RERG: variants seen among roughly 807,000 people sequenced by gnomAD.
RERG encodes RAS like estrogen regulated growth inhibitor, also known as ras-related and estrogen-regulated growth inhibitor.
In RERG, 25 loss-of-function variants were observed where a neutral mutation model predicts 23.2. The ratio of observed to expected loss-of-function variants is 1.08; its 90% confidence interval spans 0.79 to 1.50. The LOEUF (loss-of-function observed/expected upper bound fraction) is 1.50. Ranked by LOEUF, RERG falls within the 40% of genes most tolerant of loss-of-function variation. The pLI, the probability that RERG is intolerant of heterozygous loss-of-function variation, is 0.00. For synonymous variants in RERG, 81 were observed against 89.1 expected (o/e 0.91, Z 0.51); for missense variants, 253 against 250.1 (o/e 1.01, Z -0.08).
intron 2 of RERG, among the ~76,000 whole-genome samples, chr12:15,209,571 G>A (rs1483433019): frequency 1.3e-5 from 2 of 151,876 alleles, no homozygotes; most frequent in Admixed American, 6.6e-5. Context: ...ACAGGAGAAC[G>A]CTCTTTTATA....
intron 2 of RERG, 35 bp downstream of exon 2, chr12:15,217,394 C>T (rs372294667): frequency 1.4e-6 from 2 of 1,440,830 alleles, no homozygotes; most frequent in African/African-American, 1.4e-5. Context: ...CTCACCCACA[C>T]ACACACACTA....
intron 2 of RERG, among the ~76,000 whole-genome samples, chr12:15,123,186 C>A (rs143953438): frequency 6.6e-6 from 1 of 152,024 alleles, no homozygotes; most frequent in Non-Finnish European, 1.5e-5. Context: ...TTTACATGAG[C>A]GAAGTTTACA....
At chr12:15,188,994 C>T (rs1302367712) in intron 2 of RERG, among the ~76,000 whole-genome samples, 5 of 152,074 alleles carry the variant, frequency 3.3e-5, no homozygotes, top group Non-Finnish European at 7.4e-5. Flanking sequence ...GTCTCTTCTC[C>T]CCATAAGTCC....
At chr12:15,192,468 T>C (rs1037946032) in intron 2 of RERG, among the ~76,000 whole-genome samples, 15 of 152,228 alleles carry the variant, frequency 9.9e-5, no homozygotes, top group African/African-American at 3.4e-4. Flanking sequence ...ACCCTAAATA[T>C]TGCATATGCA....
intron 2 of RERG, among the ~76,000 whole-genome samples, chr12:15,201,036 C>A (rs184408419): frequency 1.3e-5 from 2 of 151,792 alleles, no homozygotes; most frequent in South Asian, 4.1e-4. Context: ...GAATTTGGAA[C>A]AAAAATATTA....
At chr12:15,138,413 T>C (rs1048012678) in intron 2 of RERG, among the ~76,000 whole-genome samples, 2 of 152,076 alleles carry the variant, frequency 1.3e-5, no homozygotes, top group African/African-American at 2.4e-5. Flanking sequence ...CCAGTTTCTA[T>C]TGACATATCC....
At chr12:15,204,545 AATTG>A (rs1865259264) in intron 2 of RERG, among the ~76,000 whole-genome samples, 1 of 151,764 alleles carries the variant, frequency 6.6e-6, no homozygotes, top group Non-Finnish European at 1.5e-5. Context: ...ATAACATGTG[AATTG>A]CTATGAAGAT....
intron 2 of RERG, among the ~76,000 whole-genome samples, chr12:15,201,598 T>TAAC (rs1340668997): frequency 1.3e-4 from 19 of 148,688 alleles, no homozygotes; most frequent in African/African-American, 4.7e-4. Context: ...TATTAGTAAT[T>TAAC]AACAATAATA....
intron 2 of RERG, among the ~76,000 whole-genome samples, chr12:15,132,947 C>G (rs1447849375): frequency 6.6e-6 from 1 of 151,310 alleles, no homozygotes; most frequent in East Asian, 1.9e-4. Flanking sequence ...AGAAAGCACA[C>G]AGAGTTTCCA....
At chr12:15,116,877 T>C (rs573374534) in intron 3 of RERG, among the ~76,000 whole-genome samples, 1 of 152,166 alleles carries the variant, frequency 6.6e-6, no homozygotes, top group African/African-American at 2.4e-5. Flanking sequence ...AAATAATAAA[T>C]TGAGCCTTTT....
Position 15,109,523 on chromosome 12 carries a change from G to A in RERG, c.193-6C>T. 6.4e-7 allele frequency: 1 copy of A among 1,561,606 alleles called. No homozygotes were observed. Among genetic ancestry groups the A allele is most frequent in the Non-Finnish European group, 8.7e-7 (1 of 1,151,272 alleles). ...TCCCTCTGAATGGTATCTTCCTGTTGGCAAAGAAAAATGGCCGTCAAGAGA... is the reference window on the plus strand; with the variant it reads ...TCCCTCTGAATGGTATCTTCCTGTTAGCAAAGAAAAATGGCCGTCAAGAGA... On this transcript the variant is annotated splice_polypyrimidine_tract_variant and splice_region_variant and intron_variant, in intron 4 of 4. Coordinates refer to ENST00000256953, the MANE Select transcript of RERG (RefSeq NM_032918.3).
chr12:15,183,425 T>C (rs1005608423), intron 2 of RERG, among the ~76,000 whole-genome samples: 2 of 152,152 alleles, frequency 1.3e-5, no homozygotes, highest in African/African-American at 2.4e-5. Flanking sequence ...TTCAAAACTT[T>C]GTAATCTTCC....
At chr12:15,191,017 A>C (rs941964654) in intron 2 of RERG, among the ~76,000 whole-genome samples, 2 of 152,166 alleles carry the variant, frequency 1.3e-5, no homozygotes, top group Non-Finnish European at 2.9e-5. Flanking sequence ...ACTCTCAGCT[A>C]ACAGTCTTAT....
intron 2 of RERG, among the ~76,000 whole-genome samples, chr12:15,157,930 T>C (rs1274196152): frequency 6.6e-6 from 1 of 152,104 alleles, no homozygotes; most frequent in Non-Finnish European, 1.5e-5. Context: ...TCTCTATACA[T>C]AAATATTTAT....
intron 1 of RERG, among the ~76,000 whole-genome samples, chr12:15,218,389 ATTTGGAAAGAGC>A (rs1240254544): frequency 2.0e-5 from 3 of 151,944 alleles, no homozygotes; most frequent in Admixed American, 1.3e-4. Context: ...GGAAACGTAA[ATTTGGAAAGAGC>A]TTTGGTGGTG....
At chr12:15,214,506 A>G (rs564100986) in intron 2 of RERG, among the ~76,000 whole-genome samples, 1 of 152,330 alleles carries the variant, frequency 6.6e-6, no homozygotes, top group East Asian at 1.9e-4. Flanking sequence ...ACCGAATTAC[A>G]TTCCAGCAGG....
At chr12:15,186,424 T>C (rs1175624460) in intron 2 of RERG, among the ~76,000 whole-genome samples, 2 of 152,098 alleles carry the variant, frequency 1.3e-5, no homozygotes, top group Admixed American at 1.3e-4. Flanking sequence ...TCTAATGTTT[T>C]AAATTTTCTC....
At chr12:15,120,111 G>C (rs1276801792) in intron 3 of RERG, among the ~76,000 whole-genome samples, 2 of 151,982 alleles carry the variant, frequency 1.3e-5, no homozygotes. Flanking sequence ...GAGGAAAATT[G>C]GTCAACGATT....
intron 2 of RERG, among the ~76,000 whole-genome samples, chr12:15,173,194 A>T (rs888944903): frequency 1.3e-5 from 2 of 152,010 alleles, no homozygotes; most frequent in African/African-American, 4.8e-5. Context: ...TTTTGCATTC[A>T]GTTATCCCAG....
Sources: gnomAD v4.1 joint callset for allele counts (sites outside exome capture counted in the v4.1 genomes callset) on GRCh38, gnomAD v4.1.1 for gene constraint, MANE v1.5 for transcripts, NCBI Gene and HGNC (gene_info 2026-07-23, HGNC 2026-07-21) for gene names.